Variants in COL10A1 observed in about 807,000 individuals in gnomAD.
COL10A1 encodes collagen alpha-1(X) chain.
Under a neutral mutation model 18.2 loss-of-function variants are expected in COL10A1, and 10 were observed. The observed-to-expected ratio is 0.55, with a 90% CI of 0.34 to 0.93. The LOEUF is 0.93. Ranked by LOEUF, COL10A1 falls within the 40% of genes least tolerant of loss-of-function variation. COL10A1 has a pLI of 0.02. For missense variants in COL10A1, 897 were observed against 853.5 expected (o/e 1.05, Z -0.64); for synonymous variants, 330 against 316.6 (o/e 1.04, Z -0.45).
chr6:116,207,781 GTC>G, the COL10A1 span, among the ~76,000 whole-genome samples: 4 of 151,926 alleles, frequency 2.6e-5, no homozygotes, highest in Admixed American at 2.6e-4. Context: ...TTCTACCTGA[GTC>G]TCTGCCCACT....
chr6:116,178,082 TGTGTGTGCGCGCGC>T, the COL10A1 span, among the ~76,000 whole-genome samples: 39 of 107,334 alleles, frequency 3.6e-4, no homozygotes, highest in African/African-American at 1.9e-3. Flanking sequence ...TGTGTGTGTG[TGTGTGTGCGCGCGC>T]GCGCGCGTGC....
At chr6:116,125,544 T>C in intron 1 of COL10A1, 37 bp from the exon 2 acceptor site, 1 of 1,584,636 alleles carries the variant, frequency 6.3e-7, no homozygotes, top group Non-Finnish European at 8.7e-7. Flanking sequence ...TACAGCATTG[T>C]TATTAACCTA....
intron 1 of COL10A1, among the ~76,000 whole-genome samples, chr6:116,132,838 C>T (rs1779503444): frequency 6.6e-6 from 1 of 152,114 alleles, no homozygotes; most frequent in Admixed American, 6.5e-5. Flanking sequence ...TCCACCACCA[C>T]CTTGCTGTAC....
chr6:116,192,535 T>C, the COL10A1 span, among the ~76,000 whole-genome samples: 2 of 152,098 alleles, frequency 1.3e-5, no homozygotes, highest in African/African-American at 4.8e-5. Flanking sequence ...TAAGTAGGTA[T>C]TGTTTTTAAA....
At chr6:116,199,421 A>G in the COL10A1 span, among the ~76,000 whole-genome samples, 1 of 152,120 alleles carries the variant, frequency 6.6e-6, no homozygotes, top group Admixed American at 6.6e-5. Context: ...GGCACTGAGC[A>G]AATCCTTTAA....
At chr6:116,187,114 G>T in the COL10A1 span, among the ~76,000 whole-genome samples, 1 of 152,024 alleles carries the variant, frequency 6.6e-6, no homozygotes, top group African/African-American at 2.4e-5. Context: ...GAGCCAGACT[G>T]CAGTGATGCT....
intron 2 of COL10A1, among the ~76,000 whole-genome samples, chr6:116,123,183 T>A (rs1779187699): frequency 6.6e-6 from 1 of 152,208 alleles, no homozygotes; most frequent in South Asian, 2.1e-4. Flanking sequence ...TGATTGGAAA[T>A]CTGTTTTACT....
rs770213046 is a variant in COL10A1 at position 116,120,756 on chromosome 6, T to G, written c.1360A>C (p.Ile454Leu). The G allele has an allele frequency of 1.2e-6, 2 of 1,608,038 alleles. No homozygotes were observed. Among genetic ancestry groups the G allele is most frequent in the East Asian group, 4.5e-5 (2 of 44,826 alleles). ...AATCCTGGAATGCCTGGTGGCCCAA[T>G]AGGGCCTCTAGTACCTGGTATTCCA... ...APGIPGTRGP[I>L]GPPGIPGFPG... Residue 454 changes from isoleucine to leucine, a missense_variant, in exon 3 of 3, where the codon ATT becomes CTT. Ile to Leu is a conservative substitution (Grantham distance 5). Coordinates refer to ENST00000651968, the MANE Select transcript of COL10A1 (RefSeq NM_000493.4).
chr6:116,188,642 T>C, the COL10A1 span, among the ~76,000 whole-genome samples: 70 of 151,388 alleles, frequency 4.6e-4, no homozygotes, highest in African/African-American at 1.7e-3. Context: ...ACCATAGATA[T>C]GAGGATAGCA....
the COL10A1 span, among the ~76,000 whole-genome samples, chr6:116,178,779 G>A: frequency 6.6e-6 from 1 of 152,182 alleles, no homozygotes; most frequent in African/African-American, 2.4e-5. Context: ...AAGGGGAGGG[G>A]AACTCATGGA....
At chr6:116,161,073 C>G (rs1422174482), upstream of COL10A1, among the ~76,000 whole-genome samples, 1 of 151,586 alleles carries the variant, frequency 6.6e-6, no homozygotes, top group Non-Finnish European at 1.5e-5. Flanking sequence ...TCATCATTCT[C>G]AGTAAACTAT....
chr6:116,142,430 C>T (rs1338324986), intron 1 of COL10A1, among the ~76,000 whole-genome samples: 1 of 152,008 alleles, frequency 6.6e-6, no homozygotes, highest in African/African-American at 2.4e-5. Flanking sequence ...TTTTATATAT[C>T]ATCAATGCTA....
chr6:116,152,471 T>C (rs1453572626), intron 1 of COL10A1, among the ~76,000 whole-genome samples: 2 of 152,138 alleles, frequency 1.3e-5, no homozygotes, highest in Non-Finnish European at 2.9e-5. Flanking sequence ...TCATCTATTA[T>C]GGTGATTATC....
upstream of COL10A1, among the ~76,000 whole-genome samples, chr6:116,128,907 A>C (rs1338768324): frequency 6.6e-6 from 1 of 152,094 alleles, no homozygotes; most frequent in African/African-American, 2.4e-5. Context: ...ATTTGTGTTC[A>C]TATGCTTTTT....
At position 116,151,544 on chromosome 6, in the gene COL10A1, A is replaced by G. The variant is rs184563388; in HGVS notation, c.-16+7070T>C. 2.0e-4 allele frequency among the ~76,000 whole-genome samples: 31 copies of G among 152,330 alleles called. No homozygotes were observed. The East Asian group carries it at 4.8e-3, about 24-fold the overall frequency. ...TGTTTAAATTCGTTAATATAAGACT[A>G]TTAAGTAATGTATATATGTGGCCTG... On this transcript the variant is annotated intron_variant, in intron 1 of 1. Transcript: ENST00000418500.
the COL10A1 span, among the ~76,000 whole-genome samples, chr6:116,180,294 ATTATC>A: frequency 1.3e-5 from 2 of 152,106 alleles, no homozygotes; most frequent in Non-Finnish European, 2.9e-5. Flanking sequence ...GAATGAAACA[ATTATC>A]TTATTTCTCT....
At chr6:116,201,329 T>A in the COL10A1 span, among the ~76,000 whole-genome samples, 1 of 152,050 alleles carries the variant, frequency 6.6e-6, no homozygotes, top group Non-Finnish European at 1.5e-5. Flanking sequence ...CAGTGAACAG[T>A]ATTGTTTATT....
At chr6:116,187,260 A>C in the COL10A1 span, among the ~76,000 whole-genome samples, 9 of 152,204 alleles carry the variant, frequency 5.9e-5, no homozygotes, top group East Asian at 9.7e-4. Context: ...GCTCCAGGAA[A>C]GGTAGCAGGG....
At position 116,121,859 on chromosome 6, in the gene COL10A1, C is replaced by G; in HGVS notation, c.257G>C (p.Gly86Ala). 1 of 1,614,032 alleles carries G rather than the reference C, an allele frequency of 6.2e-7. No homozygotes were observed. The highest frequency in any genetic ancestry group is 8.5e-7 in the Non-Finnish European group (1 of 1,179,990). Residue 86 changes from glycine (G) to alanine (A), a missense_variant, in exon 3 of 3, where the codon GGA becomes GCA. Gly to Ala is a moderately conservative substitution (Grantham distance 60). Transcript: ENST00000651968. ...TGGCTCTCCTTGGAGTCCAGGACTTCCGTAGCCTGGTTTTCCTGGTGGTCC... is the reference window on the plus strand; with the variant it reads ...TGGCTCTCCTTGGAGTCCAGGACTTGCGTAGCCTGGTTTTCCTGGTGGTCC... ...PSGPPGKPGY[G>A]SPGLQGEPGL...
Sources: allele counts gnomAD v4.1 joint callset (sites outside exome capture counted in the v4.1 genomes callset), GRCh38; gene constraint gnomAD v4.1.1; transcripts MANE v1.5; gene names NCBI Gene and HGNC (gene_info 2026-07-23, HGNC 2026-07-21).